The following AUTS2 variants were observed in gnomAD, a reference collection of about 807,000 sequenced individuals.
AUTS2 encodes the protein activator of transcription and developmental regulator AUTS2.
Under a neutral mutation model 112.4 loss-of-function variants are expected in AUTS2, and 17 were observed. The observed-to-expected ratio is 0.15, with a 90% confidence interval of 0.10 to 0.23. AUTS2 has a LOEUF of 0.23. Ranked by LOEUF, AUTS2 falls within the 10% of genes least tolerant of loss-of-function variation. The pLI, the probability that AUTS2 is intolerant of heterozygous loss-of-function variation, is 1.00. For synonymous variants in AUTS2, 751 were observed against 702.7 expected (o/e 1.07, Z -1.09); for missense variants, 1,510 against 1,701.6 (o/e 0.89, Z 1.98).
intron 4 of AUTS2, among the ~76,000 whole-genome samples, chr7:70,344,557 G>T (rs1244749172): frequency 6.6e-6 from 1 of 152,122 alleles, no homozygotes; most frequent in Non-Finnish European, 1.5e-5. Flanking sequence ...TTACTGAGTG[G>T]TCTTAACACA....
In AUTS2 at chr7:69,599,800, CTCG is replaced by C; in HGVS notation, c.154_156del (p.Ser52del). ...GCCGGACCCGGGCGCTCTCACTCGCCTCGTCGTCGGGCTCCGACAAGGAAGACA... is the reference window on the plus strand; with the variant it reads ...GCCGGACCCGGGCGCTCTCACTCGCCTCGTCGGGCTCCGACAAGGAAGACA... On this transcript the variant is annotated inframe_deletion, in exon 1 of 19. Coordinates refer to ENST00000342771, the MANE Select transcript of AUTS2 (RefSeq NM_015570.4). This position sits in a 1 kb window ranked among gnomAD's most constrained non-coding sequence, Gnocchi z 7.0. 1 of 1,591,128 alleles carries C rather than the reference CTCG, an allele frequency of 6.3e-7. No individual in the cohort carries two copies. Among genetic ancestry groups the C allele is most frequent in the East Asian group, 2.4e-5 (1 of 42,512 alleles).
intron 5 of AUTS2, among the ~76,000 whole-genome samples, chr7:70,571,116 T>G (rs1801919427): frequency 6.6e-6 from 1 of 152,212 alleles, no homozygotes; most frequent in Non-Finnish European, 1.5e-5. Context: ...GCACAATGTT[T>G]GACATTGTTA....
intron 5 of AUTS2, among the ~76,000 whole-genome samples, chr7:70,588,774 T>C (rs1205599701): frequency 1.3e-5 from 2 of 152,146 alleles, no homozygotes; most frequent in Admixed American, 6.5e-5. Flanking sequence ...CTGAGAGGCA[T>C]TTGCATCAAA....
At chr7:70,100,673 C>G (rs1218780780) in intron 2 of AUTS2, among the ~76,000 whole-genome samples, 1 of 149,974 alleles carries the variant, frequency 6.7e-6, no homozygotes, top group Non-Finnish European at 1.5e-5. Flanking sequence ...TCAAGAGTAT[C>G]AAGTTGAATT....
At chr7:70,635,955 C>A (rs944199982) in intron 5 of AUTS2, among the ~76,000 whole-genome samples, 4 of 152,206 alleles carry the variant, frequency 2.6e-5, no homozygotes, top group African/African-American at 9.7e-5. Flanking sequence ...GTGCTGCCTC[C>A]ATTCGTGTGT....
At chr7:70,328,331 C>T (rs1790586110) in intron 4 of AUTS2, among the ~76,000 whole-genome samples, 1 of 152,092 alleles carries the variant, frequency 6.6e-6, no homozygotes, top group Non-Finnish European at 1.5e-5. Flanking sequence ...AAGCAGTCTT[C>T]CCACCTCAGC....
intron 5 of AUTS2, among the ~76,000 whole-genome samples, chr7:70,605,372 GA>G (rs1237543925): frequency 6.6e-6 from 1 of 152,142 alleles, no homozygotes; most frequent in Non-Finnish European, 1.5e-5. Flanking sequence ...TTCACAGGCT[GA>G]CCAAGCCAGG....
chr7:70,227,295 G>A lies in AUTS2; in HGVS notation c.660+92724G>A, dbSNP rs117856654. Among the ~76,000 whole-genome samples, 12 of 149,260 alleles carry A rather than the reference G, an allele frequency of 8.0e-5. No homozygotes were observed. In the East Asian group the frequency reaches 2.1e-3, roughly 27 times the overall value. On this transcript the variant is annotated intron_variant, in intron 4 of 18. Transcript: ENST00000342771. The stretch of plus-strand genomic sequence containing the variant: ...TTAGTTTTGGGCCTACTTTTTTCTG[G>A]TCACTTTTCTCATGCATTTAAAAAA...
intron 2 of AUTS2, among the ~76,000 whole-genome samples, chr7:70,113,960 G>A (rs958395500): frequency 2.6e-5 from 4 of 152,210 alleles, no homozygotes; most frequent in Non-Finnish European, 5.9e-5. Flanking sequence ...ATTAATAACA[G>A]TTAACACTGT....
chr7:70,168,487 T>C (rs1430900520), intron 4 of AUTS2, among the ~76,000 whole-genome samples: 1 of 152,168 alleles, frequency 6.6e-6, no homozygotes, highest in Non-Finnish European at 1.5e-5. Flanking sequence ...GGCTAATTTT[T>C]GTATTTTTAG....
intron 2 of AUTS2, among the ~76,000 whole-genome samples, chr7:70,028,361 C>T (rs553112061): frequency 6.6e-6 from 1 of 152,326 alleles, no homozygotes; most frequent in East Asian, 1.9e-4. Context: ...TGGGACAGAA[C>T]CTGGCCACTT....
At chr7:69,886,606 C>A (rs984539533) in intron 1 of AUTS2, among the ~76,000 whole-genome samples, 2 of 152,184 alleles carry the variant, frequency 1.3e-5, no homozygotes, top group South Asian at 2.1e-4. Flanking sequence ...TCTCTCTTCC[C>A]CACCCTTCAT....
intron 2 of AUTS2, among the ~76,000 whole-genome samples, chr7:70,109,131 C>T (rs1460085964): frequency 6.6e-6 from 1 of 152,092 alleles, no homozygotes; most frequent in Non-Finnish European, 1.5e-5. Context: ...TAATGAATGA[C>T]AGGCCATTTA....
chr7:70,722,786 C>T (rs547312128), intron 6 of AUTS2, among the ~76,000 whole-genome samples: 3 of 152,178 alleles, frequency 2.0e-5, no homozygotes, highest in South Asian at 2.1e-4. Flanking sequence ...TTTCAAATTC[C>T]GTAAAGATCT....
rs138941151 is a variant in AUTS2 at position 69,908,195 on chromosome 7, C to T, written c.522+8697C>T. ...CTATCACTCTTTGCTCTTAGAGAGC[C>T]CCCGAGGCTTGGGGTGAGGAGACAC... On this transcript the variant is annotated intron_variant, in intron 2 of 18. Transcript: ENST00000342771. 1.2e-4 allele frequency among the ~76,000 whole-genome samples: 18 copies of T among 152,240 alleles called. No homozygotes were observed. In the East Asian group the frequency reaches 3.3e-3, roughly 28 times the overall value.
chr7:69,689,798 C>A (rs1189475248), intron 1 of AUTS2, among the ~76,000 whole-genome samples: 1 of 151,182 alleles, frequency 6.6e-6, no homozygotes, highest in Non-Finnish European at 1.5e-5. Flanking sequence ...CTGCCTCAGC[C>A]TCCCGAGTAG....
intron 5 of AUTS2, among the ~76,000 whole-genome samples, chr7:70,542,022 C>T (rs1800572327): frequency 1.3e-5 from 2 of 152,300 alleles, no homozygotes; most frequent in Middle Eastern, 3.4e-3. Context: ...CATCTGCCTT[C>T]GGGCACATCA....
chr7:70,056,159 T>A (rs558949546), intron 2 of AUTS2, among the ~76,000 whole-genome samples: 1 of 152,244 alleles, frequency 6.6e-6, no homozygotes, highest in Admixed American at 6.5e-5. Flanking sequence ...GGCTAATTTT[T>A]GTATTTTTAG....
At chr7:69,778,277 G>A (rs1184152807) in intron 1 of AUTS2, among the ~76,000 whole-genome samples, 1 of 145,520 alleles carries the variant, frequency 6.9e-6, no homozygotes, top group Non-Finnish European at 1.5e-5. Context: ...TTTGGTCTGT[G>A]TCATGAGAAT....
Sources: allele counts gnomAD v4.1 joint callset (sites outside exome capture counted in the v4.1 genomes callset), GRCh38; gene constraint gnomAD v4.1.1; non-coding constraint Gnocchi (gnomAD v3.1); transcripts MANE v1.5; gene names NCBI Gene and HGNC (gene_info 2026-07-23, HGNC 2026-07-21).